The following SHC2 variants were observed in gnomAD, a reference collection of about 807,000 sequenced individuals.
SHC2 encodes the protein SHC-transforming protein 2.
SHC2 carries 62 observed loss-of-function variants against 60.6 expected under a neutral mutation model. The ratio of observed to expected loss-of-function variants is 1.02; its 90% CI spans 0.83 to 1.26. The LOEUF is 1.26. Among genes scored for constraint, SHC2 ranks in the 50% most tolerant of loss-of-function variants. SHC2 has a pLI of 0.00. For missense variants in SHC2, 873 were observed against 822.2 expected (o/e 1.06, Z -0.76); for synonymous variants, 375 against 372.4 (o/e 1.01, Z -0.08).
chr19:428,817 A>G (rs1452334465), intron 9 of SHC2, among the ~76,000 whole-genome samples: 2 of 152,160 alleles, frequency 1.3e-5, no homozygotes, highest in East Asian at 3.9e-4. Flanking sequence ...CCCAACGTGC[A>G]CAGAAACCTA....
At chr19:457,911 G>A (rs1975393469) in intron 1 of SHC2, among the ~76,000 whole-genome samples, 1 of 152,254 alleles carries the variant, frequency 6.6e-6, no homozygotes, top group South Asian at 2.1e-4. Flanking sequence ...GACCCAACCA[G>A]GCCTGGCATC....
chr19:419,052 C>T lies in SHC2; in HGVS notation c.1625G>A (p.Arg542Gln), dbSNP rs867856943. The change falls in exon 12 of 13, where the codon CGG (arginine) becomes CAG (glutamine). Residue 542 changes from arginine to glutamine, a missense_variant. Arg to Gln is a conservative substitution (Grantham distance 43). Transcript: ENST00000264554. Reference protein sequence around the residue: ...LLLVDPEGVVRTKDVLFESIS... With the variant: ...LLLVDPEGVVQTKDVLFESIS... Reference sequence around the variant, plus strand: ...GCTCTCAAACAGCACGTCCTTCGTCCGTACCTGCGGGACAGAGACCTCGGC... The same window carrying T: ...GCTCTCAAACAGCACGTCCTTCGTCTGTACCTGCGGGACAGAGACCTCGGC... 10 of 1,580,728 alleles carry T rather than the reference C, an allele frequency of 6.3e-6. No homozygotes were observed. The highest frequency in any genetic ancestry group is 3.6e-5 in the Admixed American group (2 of 55,934).
chr19:452,979 C>T (rs539077935), intron 1 of SHC2, among the ~76,000 whole-genome samples: 40 of 152,252 alleles, frequency 2.6e-4, no homozygotes, highest in African/African-American at 8.9e-4. Flanking sequence ...GGAGAACGGC[C>T]GGAGTCTCTC....
intron 1 of SHC2, among the ~76,000 whole-genome samples, chr19:456,823 T>A (rs575635988): frequency 1.7e-5 from 2 of 120,214 alleles, no homozygotes; most frequent in South Asian, 5.8e-4. Context: ...GCACCTGCTG[T>A]GCCCCTGCCT....
At chr19:421,150 G>A (rs964784330) in intron 11 of SHC2, among the ~76,000 whole-genome samples, 1 of 152,088 alleles carries the variant, frequency 6.6e-6, no homozygotes, top group South Asian at 2.1e-4. Context: ...TGTAATCCCA[G>A]CACTTTGGGA....
At position 436,096 on chromosome 19, in the gene SHC2, G is replaced by A. The variant is rs1974709333; in HGVS notation, c.953+69C>T. 6.5e-6 allele frequency: 10 copies of A among 1,537,796 alleles called. No homozygotes were observed. The East Asian group carries it at 9.1e-5, about 14-fold the overall frequency. On this transcript the variant is annotated intron_variant, in intron 7 of 12. Coordinates refer to ENST00000264554, the MANE Select transcript of SHC2 (RefSeq NM_012435.3). ...CGGAGGCTGAGGCCTGCAGGAGGTG[G>A]AGCAGGCTCTGCACCTGGGCAGGTC...
intron 8 of SHC2, among the ~76,000 whole-genome samples, chr19:434,238 T>C (rs547247619): frequency 1.7e-4 from 6 of 35,486 alleles, no homozygotes; most frequent in Admixed American, 3.6e-4. Flanking sequence ...GTGAGTGAGA[T>C]CCTGAGTGAG....
chr19:447,739 C>T (rs1459846913), intron 1 of SHC2, among the ~76,000 whole-genome samples: 1 of 152,050 alleles, frequency 6.6e-6, no homozygotes, highest in Non-Finnish European at 1.5e-5. Flanking sequence ...GATCGCACCA[C>T]TGCACTCCAG....
At chr19:444,793 C>G (rs1033687264) in intron 1 of SHC2, among the ~76,000 whole-genome samples, 1 of 152,212 alleles carries the variant, frequency 6.6e-6, no homozygotes, top group Non-Finnish European at 1.5e-5. Flanking sequence ...GATACCAACA[C>G]CTCGCTAACT....
chr19:442,926 G>A (rs1214501157), intron 1 of SHC2, among the ~76,000 whole-genome samples: 3 of 142,350 alleles, frequency 2.1e-5, no homozygotes, highest in Admixed American at 7.0e-5. Context: ...TGGGTGGATG[G>A]GTGGATGGAT....
At position 424,985 on chromosome 19, in the gene SHC2, G is replaced by A; in HGVS notation, c.1309+112C>T. Reference sequence around the variant, plus strand: ...TGAAGGATCTCACGGGGAGAAGGGAGCCTCCCCCATCAGACCAGGGAATCC... The same window carrying A: ...TGAAGGATCTCACGGGGAGAAGGGAACCTCCCCCATCAGACCAGGGAATCC... On this transcript the variant is annotated intron_variant, in intron 10 of 12. Transcript: ENST00000264554. This position sits in a 1 kb window ranked among gnomAD's most constrained non-coding sequence, Gnocchi z 4.5. 1 of 1,154,712 alleles carries A rather than the reference G, an allele frequency of 8.7e-7. No homozygotes were observed. The allele number at this position is 1,154,712 out of a possible 1,614,324, so 71.5% of individuals were successfully genotyped here.
rs529460226 is a variant in SHC2 at position 422,566 on chromosome 19, G to A, written c.1310-110C>T. The A allele has an allele frequency of 1.2e-4, 109 of 902,454 alleles. No individual in the cohort carries two copies. In the Middle Eastern group the frequency reaches 1.7e-3, roughly 14 times the overall value. The allele number at this position is 902,454 out of a possible 1,614,324, so 55.9% of individuals were successfully genotyped here. On this transcript the variant is annotated intron_variant, in intron 10 of 12. Transcript: ENST00000264554. This position sits in a 1 kb window ranked among gnomAD's most constrained non-coding sequence, Gnocchi z 5.0. Reference sequence around the variant, plus strand: ...CCGGGGAGTCCCTCGTGCACCCGTCGGCCTGCGCTGACCGAGCGCCCACAG... The same window carrying A: ...CCGGGGAGTCCCTCGTGCACCCGTCAGCCTGCGCTGACCGAGCGCCCACAG...
intron 11 of SHC2, among the ~76,000 whole-genome samples, chr19:421,069 A>G (rs1974257574): frequency 6.7e-6 from 1 of 150,058 alleles, no homozygotes; most frequent in Non-Finnish European, 1.5e-5. Context: ...AAAGGAAAGG[A>G]AGAAAAGAAG....
intron 1 of SHC2, among the ~76,000 whole-genome samples, chr19:459,549 T>TACTGAACTCAGCGTAGGGGGAAGGACCCC (rs1568301782): frequency 1.3e-4 from 9 of 69,152 alleles, no homozygotes; most frequent in East Asian, 3.5e-4. Context: ...GGAAGGACCC[T>TACTGAACTCAGCGTAGGGGGAAGGACCCC]ACTGAACTCA....
chr19:428,663 A>G (rs987105463), intron 9 of SHC2, among the ~76,000 whole-genome samples: 7 of 152,332 alleles, frequency 4.6e-5, no homozygotes, highest in African/African-American at 1.7e-4. Context: ...GAGGCAAAGA[A>G]AACAGATGCA....
At chr19:434,436 GATCA>G (rs1568287129) in intron 8 of SHC2, among the ~76,000 whole-genome samples, 60 of 67,928 alleles carry the variant, frequency 8.8e-4, no homozygotes, top group Middle Eastern at 6.1e-3. Context: ...GACTGAGTGA[GATCA>G]TGAGTCTGTG....
At chr19:437,560 A>C (rs895065701) in intron 4 of SHC2, among the ~76,000 whole-genome samples, 1 of 152,058 alleles carries the variant, frequency 6.6e-6, no homozygotes, top group Non-Finnish European at 1.5e-5. Flanking sequence ...CGGCCCAGCC[A>C]GGAGGGTCTG....
Position 420,393 on chromosome 19 carries a change from C to T in SHC2, c.1621-1337G>A, listed in dbSNP as rs538221676. Among the ~76,000 whole-genome samples, 662 of 152,344 alleles carry T rather than the reference C, an allele frequency of 4.3e-3. 5 individuals carry two copies. The highest frequency in any genetic ancestry group is 0.015 in the African/African-American group (624 of 41,584). ...CCAGCCCAAGAGCCACCTGAGGATT[C>T]AGCTGGATGGCTGAAAACGCCTCCT... On this transcript the variant is annotated intron_variant, in intron 11 of 12. Transcript: ENST00000264554.
At chr19:449,129 C>T (rs1975116561) in intron 1 of SHC2, among the ~76,000 whole-genome samples, 1 of 152,024 alleles carries the variant, frequency 6.6e-6, no homozygotes, top group South Asian at 2.1e-4. Flanking sequence ...GATGGTGCCA[C>T]TGCACTCCAG....
Sources: gnomAD v4.1 joint callset for allele counts (sites outside exome capture counted in the v4.1 genomes callset) on GRCh38, gnomAD v4.1.1 for gene constraint, Gnocchi (gnomAD v3.1) non-coding constraint, MANE v1.5 for transcripts, NCBI Gene and HGNC (gene_info 2026-07-23, HGNC 2026-07-21) for gene names.